The following PTPRD variants were observed in gnomAD, a reference collection of about 807,000 sequenced individuals.
The protein encoded by PTPRD is protein tyrosine phosphatase receptor type D.
In PTPRD, 34 loss-of-function variants were observed where a neutral mutation model predicts 214.5. The ratio of observed to expected loss-of-function variants is 0.16; its 90% CI spans 0.12 to 0.21. The LOEUF (loss-of-function observed/expected upper bound fraction) is 0.21. Ranked by LOEUF, PTPRD falls within the 10% of genes least tolerant of loss-of-function variation. The pLI is 1.00. For synonymous variants in PTPRD, 1,128 were observed against 845.7 expected (o/e 1.33, Z -5.79); for missense variants, 2,545 against 2,398.7 (o/e 1.06, Z -1.27).
chr9:9,852,142 T>A (rs2060659803), intron 5 of PTPRD, among the ~76,000 whole-genome samples: 1 of 151,924 alleles, frequency 6.6e-6, no homozygotes, highest in African/African-American at 2.4e-5. Context: ...AAAAATTATA[T>A]GGCCAACTGA....
chr9:9,620,649 A>G (rs1354222960), intron 7 of PTPRD, among the ~76,000 whole-genome samples: 2 of 152,186 alleles, frequency 1.3e-5, no homozygotes, highest in African/African-American at 2.4e-5. Context: ...GTTATGACCT[A>G]GGCCCACATT....
At chr9:10,007,833 A>C (rs1222805757) in intron 4 of PTPRD, among the ~76,000 whole-genome samples, 1 of 152,062 alleles carries the variant, frequency 6.6e-6, no homozygotes, top group East Asian at 1.9e-4. Flanking sequence ...ATTGATGCAT[A>C]ACAATCAAAT....
chr9:9,209,060 G>A (rs1272910404), intron 9 of PTPRD, among the ~76,000 whole-genome samples: 1 of 151,906 alleles, frequency 6.6e-6, no homozygotes, highest in Non-Finnish European at 1.5e-5. Context: ...GGCCCGCCTT[G>A]GCCTCCCAAA....
intron 7 of PTPRD, among the ~76,000 whole-genome samples, chr9:9,618,663 T>C (rs2095051961): frequency 6.6e-6 from 1 of 152,146 alleles, no homozygotes; most frequent in South Asian, 2.1e-4. Context: ...ATCTTTGGGA[T>C]GTGTTTAATG....
At chr9:8,818,901 A>C (rs2096980179) in intron 11 of PTPRD, among the ~76,000 whole-genome samples, 1 of 152,198 alleles carries the variant, frequency 6.6e-6, no homozygotes, top group South Asian at 2.1e-4. Flanking sequence ...ATTACTCCCG[A>C]AGAGTTCCCC....
chr9:8,526,750 A>C, intron 16 of PTPRD, 106 bp from the exon 17 acceptor site: 1 of 878,940 alleles, frequency 1.1e-6, no homozygotes, highest in Non-Finnish European at 1.7e-6. Flanking sequence ...TTACAGAATT[A>C]AATAAGGTCT....
At chr9:9,516,416 A>C (rs929354043) in intron 8 of PTPRD, among the ~76,000 whole-genome samples, 5 of 152,014 alleles carry the variant, frequency 3.3e-5, no homozygotes, top group African/African-American at 9.7e-5. Flanking sequence ...AACACCTTAC[A>C]TAAAAGATTC....
chr9:9,200,705 T>C (rs1281347443), intron 9 of PTPRD, among the ~76,000 whole-genome samples: 1 of 152,196 alleles, frequency 6.6e-6, no homozygotes, highest in Admixed American at 6.5e-5. Flanking sequence ...CTGCTAAAAG[T>C]GGATTCCTTA....
chr9:9,776,175 G>C (rs2098797466), intron 5 of PTPRD, among the ~76,000 whole-genome samples: 1 of 152,068 alleles, frequency 6.6e-6, no homozygotes, highest in South Asian at 2.1e-4. Context: ...CACTGAATAT[G>C]TATGTTCTCT....
chr9:8,559,237 C>T (rs1364393285), intron 14 of PTPRD, among the ~76,000 whole-genome samples: 1 of 152,070 alleles, frequency 6.6e-6, no homozygotes, highest in Non-Finnish European at 1.5e-5. Flanking sequence ...TTGTTTATTT[C>T]AAAAGCGCTA....
At chr9:8,746,684 T>A (rs1047596860) in intron 11 of PTPRD, among the ~76,000 whole-genome samples, 2 of 152,154 alleles carry the variant, frequency 1.3e-5, no homozygotes, top group African/African-American at 4.8e-5. Flanking sequence ...AAATGTTGAA[T>A]AAAAACATCG....
At chr9:9,313,960 G>T (rs563502813) in intron 9 of PTPRD, among the ~76,000 whole-genome samples, 1 of 152,208 alleles carries the variant, frequency 6.6e-6, no homozygotes, top group East Asian at 1.9e-4. Context: ...CATGTGCTCA[G>T]TATATTTTAA....
At chr9:9,640,940 G>A (rs142188503) in intron 7 of PTPRD, among the ~76,000 whole-genome samples, 8 of 152,342 alleles carry the variant, frequency 5.3e-5, no homozygotes, top group East Asian at 1.9e-4. Flanking sequence ...CAGAGTCAAC[G>A]TAAGATCAAA....
At chr9:9,501,011 A>G (rs1589997487) in intron 8 of PTPRD, among the ~76,000 whole-genome samples, 1 of 152,034 alleles carries the variant, frequency 6.6e-6, no homozygotes, top group Admixed American at 6.6e-5. Flanking sequence ...TGCTATGGCT[A>G]AAAAGCTACT....
At chr9:9,400,797 T>A (rs2070072529) in intron 8 of PTPRD, among the ~76,000 whole-genome samples, 1 of 152,084 alleles carries the variant, frequency 6.6e-6, no homozygotes, top group African/African-American at 2.4e-5. Flanking sequence ...ATGGATAGCA[T>A]ATGCACCTAC....
chr9:8,655,195 T>C (rs980101710), intron 12 of PTPRD, among the ~76,000 whole-genome samples: 1 of 152,200 alleles, frequency 6.6e-6, no homozygotes, highest in Admixed American at 6.5e-5. Context: ...CAAAAAGACA[T>C]GGAAGGTTTC....
chr9:8,515,331 T>A (rs985410931), intron 21 of PTPRD, among the ~76,000 whole-genome samples: 4 of 152,186 alleles, frequency 2.6e-5, no homozygotes, highest in Non-Finnish European at 5.9e-5. Flanking sequence ...CCTCCATATG[T>A]TAGCTACTAT....
chr9:8,956,828 C>T (rs971217948), intron 11 of PTPRD, among the ~76,000 whole-genome samples: 5 of 151,838 alleles, frequency 3.3e-5, no homozygotes, highest in African/African-American at 9.7e-5. Flanking sequence ...AATCTTAACC[C>T]TTGATGCAGT....
rs530815615 is a variant in PTPRD at position 8,522,669 on chromosome 9, A to G, written c.691+844T>C. Among the ~76,000 whole-genome samples the G allele has an allele frequency of 3.3e-5, 5 of 152,244 alleles. No individual in the cohort carries two copies. In the East Asian group the frequency reaches 9.7e-4, roughly 29 times the overall value. On this transcript the variant is annotated intron_variant, in intron 19 of 45. Transcript: ENST00000381196. ...TCAGTTCAGTGTTCCTGCTTCAGAT[A>G]ATCTGCAGGTTTATGTGTGTTTAAG...
Sources: allele counts gnomAD v4.1 joint callset (sites outside exome capture counted in the v4.1 genomes callset), GRCh38; gene constraint gnomAD v4.1.1; transcripts MANE v1.5; gene names NCBI Gene and HGNC (gene_info 2026-07-23, HGNC 2026-07-21).